The following GALNT7 variants were observed in gnomAD, a reference collection of about 807,000 sequenced individuals.
GALNT7 encodes the protein polypeptide N-acetylgalactosaminyltransferase 7.
Under a neutral mutation model 82.1 loss-of-function variants are expected in GALNT7, and 60 were observed. That is an observed-to-expected ratio of 0.73 (90% CI 0.59 to 0.91). GALNT7 has a LOEUF of 0.91. GALNT7 is among the 40% of genes least tolerant of loss of function. GALNT7 has a pLI of 0.00. For missense variants in GALNT7, 660 were observed against 804.2 expected, an observed-to-expected ratio of 0.82 and a Z score of 2.17; for synonymous variants, 243 against 275.1, an observed-to-expected ratio of 0.88 and a Z score of 1.15.
Position 173,169,030 on chromosome 4 carries a change from G to A in GALNT7, c.126+69G>A, listed in dbSNP as rs1288393393. 2.3e-5 allele frequency: 35 copies of A among 1,512,354 alleles called. No homozygotes were observed. In the South Asian group the frequency reaches 3.7e-4, roughly 16 times the overall value. 93.7% of individuals were successfully genotyped at this position (1,512,354 alleles called of 1,614,324 possible). A position where few individuals can be genotyped will look rare whatever the true frequency, so the allele number is the denominator to read the frequency against. The stretch of plus-strand genomic sequence containing the variant: ...CTTGTTTTGTTTGCCCGCGTGTGGA[G>A]GGAGCAGGGGCGGCGGGGTCGCGGC... On this transcript the variant is annotated intron_variant, in intron 1 of 11. Transcript: ENST00000265000.
Position 173,240,584 on chromosome 4 carries a change from G to A in GALNT7, c.127-7396G>A, listed in dbSNP as rs900328769. Among the ~76,000 whole-genome samples the A allele has an allele frequency of 4.6e-5, 7 of 152,048 alleles. No homozygotes were observed. In the South Asian group the frequency reaches 1.2e-3, roughly 27 times the overall value. Reference sequence around the variant, plus strand: ...GGGTTTCTCCATGTTGGTTAGGCTGGTCTCGAACTCCAGACCTCAGGTGAT... The same window carrying A: ...GGGTTTCTCCATGTTGGTTAGGCTGATCTCGAACTCCAGACCTCAGGTGAT... On this transcript the variant is annotated intron_variant, in intron 1 of 11. Transcript: ENST00000265000.
At chr4:173,313,127 T>A (rs1737453184) in intron 8 of GALNT7, among the ~76,000 whole-genome samples, 1 of 152,186 alleles carries the variant, frequency 6.6e-6, no homozygotes, top group South Asian at 2.1e-4. Context: ...CATTTGGGGT[T>A]ATAGTAAAAT....
At chr4:173,274,963 TC>T (rs1735848137) in intron 2 of GALNT7, among the ~76,000 whole-genome samples, 1 of 152,202 alleles carries the variant, frequency 6.6e-6, no homozygotes, top group African/African-American at 2.4e-5. Flanking sequence ...GCTTAGTGAC[TC>T]CACGGTCATA....
intron 1 of GALNT7, among the ~76,000 whole-genome samples, chr4:173,183,084 A>ACACT (rs1236660601): frequency 5.6e-5 from 8 of 143,736 alleles, no homozygotes; most frequent in Non-Finnish European, 1.2e-4. Flanking sequence ...ACACACACAC[A>ACACT]CACACACTGC....
intron 1 of GALNT7, among the ~76,000 whole-genome samples, chr4:173,203,525 T>C (rs1733004633): frequency 6.6e-6 from 1 of 152,252 alleles, no homozygotes; most frequent in South Asian, 2.1e-4. Context: ...GGTTGCTTTA[T>C]AAATCCTTCA....
At chr4:173,310,877 A>G (rs951140813) in intron 8 of GALNT7, among the ~76,000 whole-genome samples, 10 of 152,130 alleles carry the variant, frequency 6.6e-5, no homozygotes, top group African/African-American at 2.4e-4. Context: ...CTGGGATTAT[A>G]GGTGCGCACC....
At chr4:173,169,063 G>T in intron 1 of GALNT7, 102 bp downstream of exon 1, 7 of 1,183,650 alleles carry the variant, frequency 5.9e-6, no homozygotes, top group Non-Finnish European at 8.2e-6. Flanking sequence ...GGCACGGCGT[G>T]GGCACCGCAG....
intron 1 of GALNT7, among the ~76,000 whole-genome samples, chr4:173,245,656 A>G (rs1734599946): frequency 6.6e-6 from 1 of 152,208 alleles, no homozygotes; most frequent in Admixed American, 6.5e-5. Flanking sequence ...ACATTTTATA[A>G]TGATATCTCT....
At chr4:173,299,684 T>C (rs1333026363) in intron 6 of GALNT7, among the ~76,000 whole-genome samples, 1 of 151,970 alleles carries the variant, frequency 6.6e-6, no homozygotes. Flanking sequence ...CCATTTCTAC[T>C]AAATATACAA....
At chr4:173,185,477 A>G (rs1013758041) in intron 1 of GALNT7, among the ~76,000 whole-genome samples, 1 of 151,834 alleles carries the variant, frequency 6.6e-6, no homozygotes, top group African/African-American at 2.4e-5. Context: ...TTAGGGTTTT[A>G]ATTACTATCA....
In GALNT7 at chr4:173,322,614, A is replaced by C. The variant is rs1032820629; in HGVS notation, c.*897A>C. ...TTCTCCAATACCTGCCAATACAGAA[A>C]ACTATTATCAGTTGTTATTGTTATC... On this transcript the variant is annotated 3_prime_UTR_variant, in exon 12 of 12. Coordinates refer to ENST00000265000, the MANE Select transcript of GALNT7 (RefSeq NM_017423.3). The C allele has an allele frequency of 3.9e-5, 6 of 152,210 alleles. No individual in the cohort carries two copies. The highest frequency in any genetic ancestry group is 1.4e-4 in the African/African-American group (6 of 41,470). 9.4% of individuals were successfully genotyped at this position (152,210 alleles called of 1,614,324 possible).
chr4:173,256,648 CAG>C (rs1275977424), intron 2 of GALNT7, among the ~76,000 whole-genome samples: 2 of 148,356 alleles, frequency 1.3e-5, no homozygotes, highest in African/African-American at 2.5e-5. Context: ...CCTTGCAAAA[CAG>C]AGATTGCTAG....
In GALNT7 at chr4:173,293,782, T is replaced by G. The variant is rs187397802; in HGVS notation, c.754+1508T>G. 7.2e-5 allele frequency among the ~76,000 whole-genome samples: 11 copies of G among 152,316 alleles called. No individual in the cohort carries two copies. The East Asian group carries it at 2.1e-3, about 29-fold the overall frequency. ...ACTACACGGTCCTTGTGGGTCAGCC[T>G]AGCTCTGCACCCCATCCTCACCACA... On this transcript the variant is annotated intron_variant, in intron 3 of 11. Coordinates refer to ENST00000265000, the MANE Select transcript of GALNT7 (RefSeq NM_017423.3).
At chr4:173,244,177 G>C (rs1734534723) in intron 1 of GALNT7, among the ~76,000 whole-genome samples, 1 of 152,156 alleles carries the variant, frequency 6.6e-6, no homozygotes, top group Non-Finnish European at 1.5e-5. Flanking sequence ...AGGCAGACTT[G>C]AATAATTACC....
chr4:173,272,123 T>A (rs1252574783), intron 2 of GALNT7, among the ~76,000 whole-genome samples: 2 of 152,222 alleles, frequency 1.3e-5, no homozygotes, highest in African/African-American at 4.8e-5. Context: ...TAGTGTTTTG[T>A]CAACTCTGGA....
chr4:173,240,400 G>A (rs898688420), intron 1 of GALNT7, among the ~76,000 whole-genome samples: 3 of 115,224 alleles, frequency 2.6e-5, no homozygotes, highest in African/African-American at 1.1e-4. Flanking sequence ...ACAGAGCTTC[G>A]CTTTTGTGCC....
intron 2 of GALNT7, among the ~76,000 whole-genome samples, chr4:173,251,108 G>A (rs568084610): frequency 1.3e-5 from 2 of 152,270 alleles, no homozygotes; most frequent in Admixed American, 1.3e-4. Flanking sequence ...CTATTTGTAA[G>A]CCTAGTAACT....
chr4:173,191,813 ATTTG>A (rs1732638922), intron 1 of GALNT7, among the ~76,000 whole-genome samples: 1 of 151,998 alleles, frequency 6.6e-6, no homozygotes, highest in Non-Finnish European at 1.5e-5. Flanking sequence ...CCTTTGTTGA[ATTTG>A]TTTGTTTTTA....
chr4:173,181,715 C>T (rs1367342319), intron 1 of GALNT7, among the ~76,000 whole-genome samples: 2 of 152,274 alleles, frequency 1.3e-5, no homozygotes, highest in Non-Finnish European at 2.9e-5. Flanking sequence ...ATGGCTTTTC[C>T]CAGGTCCTGC....
Sources: gnomAD v4.1 joint callset for allele counts (sites outside exome capture counted in the v4.1 genomes callset) on GRCh38, gnomAD v4.1.1 for gene constraint, MANE v1.5 for transcripts, NCBI Gene and HGNC (gene_info 2026-07-23, HGNC 2026-07-21) for gene names.